AP1G1: variants seen among roughly 807,000 people sequenced by gnomAD.
AP1G1 encodes the protein AP-1 complex subunit gamma-1.
A neutral mutation model predicts 108.3 loss-of-function variants in AP1G1; 7 were observed. The observed-to-expected ratio is 0.06, with a 90% confidence interval of 0.04 to 0.12. The LOEUF (loss-of-function observed/expected upper bound fraction) is 0.12. Among genes scored for constraint, AP1G1 ranks in the 10% least tolerant of loss-of-function variants. The pLI is 1.00. For missense variants in AP1G1, 756 were observed against 1,010.7 expected (o/e 0.75, Z 3.42); for synonymous variants, 379 against 353.5 (o/e 1.07, Z -0.81).
At chr16:71,733,270 G>A in intron 22 of AP1G1, 111 bp from the exon 23 acceptor site, 1 of 821,256 alleles carries the variant, frequency 1.2e-6, no homozygotes, top group Non-Finnish European at 1.9e-6. Context: ...AAGCAAAGCT[G>A]TCTGTTAAGA....
chr16:71,744,679 G>T (rs988447577), intron 19 of AP1G1, among the ~76,000 whole-genome samples: 6 of 146,398 alleles, frequency 4.1e-5, no homozygotes, highest in Non-Finnish European at 7.4e-5. Flanking sequence ...AGGTTCAAGC[G>T]ATTCTCCTGC....
At chr16:71,755,954 GT>G (rs374900414) in intron 12 of AP1G1, 64 bp downstream of exon 12, 637 of 1,549,104 alleles carry the variant, frequency 4.1e-4, no homozygotes, top group Non-Finnish European at 5.1e-4. Context: ...CCCTCCCCAT[GT>G]TTTAAAGACA....
At chr16:71,763,355 A>G (rs2145467693) in intron 9 of AP1G1, among the ~76,000 whole-genome samples, 2 of 152,334 alleles carry the variant, frequency 1.3e-5, no homozygotes, top group South Asian at 4.1e-4. Flanking sequence ...GCCAGGGACT[A>G]CAGATAGTTA....
chr16:71,793,474 T>C (rs548052583), intron 1 of AP1G1, among the ~76,000 whole-genome samples: 1 of 152,052 alleles, frequency 6.6e-6, no homozygotes, highest in African/African-American at 2.4e-5. Context: ...AGGGTATCTA[T>C]GATAGTTAAA....
chr16:71,806,081 T>C (rs2032989746), intron 1 of AP1G1, among the ~76,000 whole-genome samples: 1 of 152,130 alleles, frequency 6.6e-6, no homozygotes, highest in East Asian at 1.9e-4. Flanking sequence ...TTGGTTTTGT[T>C]TGCATACCAC....
At chr16:71,808,304 G>T in intron 1 of AP1G1, 1 of 803,014 alleles carries the variant, frequency 1.2e-6, no homozygotes. Context: ...GCACTGCAGG[G>T]GCAGGCAGCG....
At chr16:71,734,021 A>G (rs766569669) in intron 22 of AP1G1, among the ~76,000 whole-genome samples, 1 of 152,248 alleles carries the variant, frequency 6.6e-6, no homozygotes. Context: ...TATAGTGAAT[A>G]GCAGAGGAAA....
At chr16:71,807,611 G>A (rs1480834201) in intron 1 of AP1G1, among the ~76,000 whole-genome samples, 2 of 152,200 alleles carry the variant, frequency 1.3e-5, no homozygotes, top group Admixed American at 6.6e-5. Context: ...AACGGTGGAA[G>A]TGAATATTTA....
At chr16:71,793,890 G>GT (rs1414408502) in intron 1 of AP1G1, among the ~76,000 whole-genome samples, 1 of 152,016 alleles carries the variant, frequency 6.6e-6, no homozygotes, top group Non-Finnish European at 1.5e-5. Context: ...GCTGATTTTT[G>GT]TATTTTTTTT....
At chr16:71,803,596 T>G (rs532499538) in intron 1 of AP1G1, among the ~76,000 whole-genome samples, 1 of 152,248 alleles carries the variant, frequency 6.6e-6, no homozygotes, top group East Asian at 1.9e-4. Flanking sequence ...AAGTGTATTG[T>G]GTTACTAGGT....
chr16:71,745,415 C>T, intron 18 of AP1G1, 58 bp downstream of exon 18: 1 of 1,612,946 alleles, frequency 6.2e-7, no homozygotes, highest in South Asian at 1.1e-5. Context: ...AAGAGACAAG[C>T]TGTAAGGGAC....
intron 5 of AP1G1, 61 bp from the exon 6 acceptor site, chr16:71,769,760 G>A (rs2145482242): frequency 7.2e-7 from 1 of 1,396,978 alleles, no homozygotes; most frequent in East Asian, 2.3e-5. Context: ...TTATAGAACA[G>A]GACTTTGAGT....
intron 12 of AP1G1, among the ~76,000 whole-genome samples, chr16:71,754,991 T>A (rs1257780698): frequency 6.6e-6 from 1 of 152,138 alleles, no homozygotes; most frequent in Non-Finnish European, 1.5e-5. Context: ...AGACAACATT[T>A]GGACTAAAAA....
chr16:71,808,290 G>T, intron 1 of AP1G1: 1 of 854,448 alleles, frequency 1.2e-6, no homozygotes, highest in Admixed American at 4.5e-5. Flanking sequence ...GTTCCGAGAG[G>T]ACGGCACTGC....
In AP1G1 at chr16:71,789,378, G is replaced by C. The variant is rs1454551177; in HGVS notation, c.102C>G (p.Ile34Met). 1 of 1,614,040 alleles carries C rather than the reference G, an allele frequency of 6.2e-7. No individual in the cohort carries two copies. Among genetic ancestry groups the C allele is most frequent in the Non-Finnish European group, 8.5e-7 (1 of 1,180,050 alleles). ...REMIQKECAA[I>M]RSSFREEDNT... is the part of the protein sequence containing the mutation. ...TGTCTTCTTCTCTAAAAGATGACCG[G>C]ATTGCAGCACATTCTTTCTGGATCA... Residue 34 changes from isoleucine (I) to methionine (M), a missense_variant, in exon 2 of 23, where the codon ATC (isoleucine) becomes ATG (methionine). Transcript: ENST00000299980.
At chr16:71,772,780 A>G (rs563522730) in intron 4 of AP1G1, among the ~76,000 whole-genome samples, 69 of 152,312 alleles carry the variant, frequency 4.5e-4, no homozygotes, top group Non-Finnish European at 7.2e-4. Flanking sequence ...ATAAAATCAG[A>G]TAGAAGAATA....
chr16:71,800,029 T>A (rs1474633088), intron 1 of AP1G1, among the ~76,000 whole-genome samples: 1 of 151,286 alleles, frequency 6.6e-6, no homozygotes, highest in Non-Finnish European at 1.5e-5. Flanking sequence ...GAGATCAGCC[T>A]GAGCAACATA....
At chr16:71,767,216 G>A (rs965599717) in intron 6 of AP1G1, among the ~76,000 whole-genome samples, 2 of 152,162 alleles carry the variant, frequency 1.3e-5, no homozygotes, top group African/African-American at 2.4e-5. Context: ...GAGCACAAAT[G>A]ACTAAATGTT....
At chr16:71,762,976 G>A (rs1041561173) in intron 9 of AP1G1, among the ~76,000 whole-genome samples, 1 of 152,218 alleles carries the variant, frequency 6.6e-6, no homozygotes, top group African/African-American at 2.4e-5. Flanking sequence ...TATCTCCAGG[G>A]AGACAGTGTC....
Sources: gnomAD v4.1 joint callset for allele counts (sites outside exome capture counted in the v4.1 genomes callset) on GRCh38, gnomAD v4.1.1 for gene constraint, MANE v1.5 for transcripts, NCBI Gene and HGNC (gene_info 2026-07-23, HGNC 2026-07-21) for gene names.